Variants in NRXN3 observed in about 807,000 individuals in gnomAD.
NRXN3 encodes the protein neurexin III.
NRXN3 carries 32 observed loss-of-function variants against 137.6 expected under a neutral mutation model. That is an observed-to-expected ratio of 0.23 (90% CI 0.18 to 0.31). The LOEUF is 0.31. Among genes scored for constraint, NRXN3 ranks in the 10% least tolerant of loss-of-function variants. The pLI is 1.00. For missense variants in NRXN3, 1,574 were observed against 2,062.5 expected, an observed-to-expected ratio of 0.76 and a Z score of 4.59; for synonymous variants, 798 against 784.5, an observed-to-expected ratio of 1.02 and a Z score of -0.29.
chr14:79,354,229 A>G (rs2093338413), intron 15 of NRXN3, among the ~76,000 whole-genome samples: 2 of 152,126 alleles, frequency 1.3e-5, no homozygotes, highest in African/African-American at 2.4e-5. Flanking sequence ...AGGTTTCTTC[A>G]AAGGAACAAA....
At chr14:78,743,413 T>C (rs1241240361) in intron 8 of NRXN3, among the ~76,000 whole-genome samples, 2 of 152,226 alleles carry the variant, frequency 1.3e-5, no homozygotes, top group African/African-American at 4.8e-5. Context: ...TATCCACATA[T>C]CTTCCTGGGT....
At chr14:79,391,643 A>T (rs891383335) in intron 15 of NRXN3, among the ~76,000 whole-genome samples, 5 of 152,230 alleles carry the variant, frequency 3.3e-5, no homozygotes, top group Non-Finnish European at 5.9e-5. Flanking sequence ...AGGGATTGGG[A>T]TGAAAATCAA....
intron 15 of NRXN3, among the ~76,000 whole-genome samples, chr14:79,089,941 A>T (rs1293171718): frequency 2.0e-5 from 3 of 152,158 alleles, no homozygotes; most frequent in Non-Finnish European, 2.9e-5. Context: ...ATAAAGTAGG[A>T]ATTTTGCATT....
intron 6 of NRXN3, among the ~76,000 whole-genome samples, chr14:78,660,994 C>T (rs1019479435): frequency 3.3e-5 from 5 of 152,138 alleles, no homozygotes; most frequent in Non-Finnish European, 7.3e-5. Flanking sequence ...TGAATGCTAT[C>T]CCAGGATACA....
chr14:79,471,529 CA>C (rs1237436307), intron 16 of NRXN3, among the ~76,000 whole-genome samples: 1 of 152,188 alleles, frequency 6.6e-6, no homozygotes, highest in Non-Finnish European at 1.5e-5. Flanking sequence ...ATCTTAAGCT[CA>C]TGTTGCACTG....
intron 15 of NRXN3, among the ~76,000 whole-genome samples, chr14:79,270,053 T>G (rs2079071875): frequency 2.0e-5 from 3 of 152,240 alleles, no homozygotes; most frequent in Admixed American, 2.0e-4. Context: ...GACATTTAAG[T>G]AAATTCAGAA....
rs536196611 is a variant in NRXN3, at chr14:79,210,847, G to A, written c.3262+222706G>A. The stretch of plus-strand genomic sequence containing the variant: ...TCTCTTCGTAGTATTTGGTGGGATT[G>A]TGCTATTCTTCAGTGGGCTGGTAAT... On this transcript the variant is annotated intron_variant, in intron 15 of 20. Transcript: ENST00000335750. 3.9e-5 allele frequency among the ~76,000 whole-genome samples: 6 copies of A among 152,230 alleles called. No individual in the cohort carries two copies. In the South Asian group the frequency reaches 1.2e-3, roughly 32 times the overall value.
At chr14:78,943,793 A>G (rs1221825593) in intron 10 of NRXN3, among the ~76,000 whole-genome samples, 1 of 150,876 alleles carries the variant, frequency 6.6e-6, no homozygotes, top group Non-Finnish European at 1.5e-5. Context: ...TTAAGCTTAT[A>G]AGGAAGGGAT....
chr14:79,814,336 T>C (rs894820438), intron 20 of NRXN3, among the ~76,000 whole-genome samples: 1 of 152,236 alleles, frequency 6.6e-6, no homozygotes, highest in Non-Finnish European at 1.5e-5. Context: ...GATTCTGTTC[T>C]CTGTAAGATG....
chr14:78,346,441 C>T (rs762425325), intron 4 of NRXN3, among the ~76,000 whole-genome samples: 4 of 152,156 alleles, frequency 2.6e-5, no homozygotes, highest in Non-Finnish European at 4.4e-5. Flanking sequence ...ATGTCAGCTC[C>T]GTGTGAATCA....
intron 15 of NRXN3, among the ~76,000 whole-genome samples, chr14:79,350,645 A>G (rs573725749): frequency 1.3e-5 from 2 of 152,190 alleles, no homozygotes; most frequent in East Asian, 3.9e-4. Context: ...AGTGATGACA[A>G]TCAAAAGCCC....
At chr14:79,349,015 A>G (rs1374385835) in intron 15 of NRXN3, among the ~76,000 whole-genome samples, 4 of 152,188 alleles carry the variant, frequency 2.6e-5, no homozygotes, top group African/African-American at 7.2e-5. Context: ...ATTTATTTCT[A>G]CTGTTTGATG....
At chr14:79,687,025 C>G (rs2098698079) in intron 17 of NRXN3, among the ~76,000 whole-genome samples, 1 of 152,116 alleles carries the variant, frequency 6.6e-6, no homozygotes, top group South Asian at 2.1e-4. Context: ...ACAAGCTGAT[C>G]AATTTTCTGT....
intron 14 of NRXN3, among the ~76,000 whole-genome samples, chr14:78,986,874 T>A (rs919755896): frequency 1.3e-5 from 2 of 151,542 alleles, no homozygotes; most frequent in Non-Finnish European, 2.9e-5. Context: ...TACAAAAAAA[T>A]TAGCTGAGTG....
At chr14:79,257,810 T>A (rs2077003083) in intron 15 of NRXN3, among the ~76,000 whole-genome samples, 1 of 151,952 alleles carries the variant, frequency 6.6e-6, no homozygotes, top group Non-Finnish European at 1.5e-5. Flanking sequence ...GCAAGAAGAA[T>A]GTCCAGGAAC....
chr14:78,743,295 T>G (rs1023382755), intron 8 of NRXN3, among the ~76,000 whole-genome samples: 1 of 152,250 alleles, frequency 6.6e-6, no homozygotes, highest in African/African-American at 2.4e-5. Context: ...CTATTTGGTG[T>G]TTGAATTATA....
chr14:79,455,816 AT>A (rs2096250158), intron 15 of NRXN3, among the ~76,000 whole-genome samples: 1 of 151,652 alleles, frequency 6.6e-6, no homozygotes, highest in African/African-American at 2.4e-5. Flanking sequence ...AAACTTTGGG[AT>A]ATTTTTAACT....
chr14:79,291,330 T>C (rs140857058), intron 15 of NRXN3, among the ~76,000 whole-genome samples: 2 of 152,242 alleles, frequency 1.3e-5, no homozygotes, highest in Admixed American at 1.3e-4. Context: ...ATAAACGTTA[T>C]AGTTCATTTA....
chr14:78,948,452 G>A (rs2099373792), intron 10 of NRXN3, among the ~76,000 whole-genome samples: 1 of 152,168 alleles, frequency 6.6e-6, no homozygotes, highest in African/African-American at 2.4e-5. Flanking sequence ...CATGCTTGAA[G>A]TGGGGGACCA....
Sources: allele counts gnomAD v4.1 joint callset (sites outside exome capture counted in the v4.1 genomes callset), GRCh38; gene constraint gnomAD v4.1.1; transcripts MANE v1.5; gene names NCBI Gene and HGNC (gene_info 2026-07-23, HGNC 2026-07-21).